Variants in CEP128 observed in about 807,000 individuals in gnomAD.
The protein encoded by CEP128 is centrosomal protein 128.
Under a neutral mutation model 156.7 loss-of-function variants are expected in CEP128, and 132 were observed. The ratio of observed to expected loss-of-function variants is 0.84; its 90% CI spans 0.73 to 0.97. The LOEUF is 0.97. CEP128 is among the 50% of genes least tolerant of loss of function. The pLI, the probability that CEP128 is intolerant of heterozygous loss-of-function variation, is 0.00. For synonymous variants in CEP128, 469 were observed against 448.9 expected (o/e 1.04, Z -0.57); for missense variants, 1,252 against 1,281.9 (o/e 0.98, Z 0.36).
intron 23 of CEP128, among the ~76,000 whole-genome samples, chr14:80,520,582 G>A (rs575456026): frequency 4.6e-5 from 7 of 152,046 alleles, no homozygotes; most frequent in Non-Finnish European, 1.0e-4. Flanking sequence ...TATATTCCTA[G>A]TGTGTCAATA....
At chr14:80,905,738 T>C (rs1373464441) in intron 5 of CEP128, 4 of 401,008 alleles carry the variant, frequency 1.0e-5, no homozygotes, top group Non-Finnish European at 1.8e-5. Flanking sequence ...AGCTCTAATG[T>C]GGTCTACAGA....
chr14:80,643,676 C>G (rs1375536819), intron 19 of CEP128, among the ~76,000 whole-genome samples: 1 of 151,306 alleles, frequency 6.6e-6, no homozygotes, highest in Non-Finnish European at 1.5e-5. Flanking sequence ...CGCCACTGCA[C>G]TCTAACCTGG....
intron 8 of CEP128, among the ~76,000 whole-genome samples, chr14:80,881,511 C>G (rs1222381382): frequency 6.6e-6 from 1 of 151,960 alleles, no homozygotes; most frequent in Admixed American, 6.6e-5. Context: ...CTAATACTTA[C>G]CCTATTCAAC....
chr14:80,666,062 G>A (rs1895600167), intron 19 of CEP128, among the ~76,000 whole-genome samples: 1 of 152,128 alleles, frequency 6.6e-6, no homozygotes, highest in South Asian at 2.1e-4. Context: ...AAAATCAGGA[G>A]AGGACAACCA....
At chr14:80,811,034 C>T (rs1039889417) in intron 13 of CEP128, among the ~76,000 whole-genome samples, 5 of 151,998 alleles carry the variant, frequency 3.3e-5, no homozygotes, top group African/African-American at 9.7e-5. Flanking sequence ...TGAGAATGTG[C>T]GGTGTTTGGT....
In CEP128 at chr14:80,819,239, C is replaced by CTTTTTT. The variant is rs1187431254; in HGVS notation, c.1209+11898_1209+11903dup. Among the ~76,000 whole-genome samples, 86 of 82,732 alleles carry CTTTTTT rather than the reference C, an allele frequency of 1.0e-3. 1 individual carries two copies. Among genetic ancestry groups the CTTTTTT allele is most frequent in the East Asian group, 1.3e-3 (3 of 2,302 alleles). The allele number at this position is 82,732 out of a possible 152,430, so 54.3% of individuals were successfully genotyped here. ...AGCAAGCCAGCTCTCTGGCATCTTC[C>CTTTTTT]TTTTTTTTTTTTTTTTTTTTTTTTT... On this transcript the variant is annotated intron_variant, in intron 13 of 24. Transcript: ENST00000555265.
intron 10 of CEP128, 89 bp from the exon 11 acceptor site, chr14:80,838,367 G>A: frequency 2.9e-5 from 26 of 897,862 alleles, no homozygotes; most frequent in South Asian, 9.3e-5. Flanking sequence ...GGAGAAAAGT[G>A]GAAAAGTTTT....
chr14:80,500,848 T>C (rs1220898119), intron 24 of CEP128, among the ~76,000 whole-genome samples: 1 of 152,248 alleles, frequency 6.6e-6, no homozygotes, highest in East Asian at 1.9e-4. Context: ...TTTACATTAT[T>C]ATGACTAAAT....
chr14:80,774,950 A>G (rs991075631), intron 16 of CEP128, among the ~76,000 whole-genome samples: 1 of 152,188 alleles, frequency 6.6e-6, no homozygotes, highest in Non-Finnish European at 1.5e-5. Context: ...GATTAGGTAA[A>G]TCATAGGCAC....
At chr14:80,566,775 C>G (rs1412199863) in intron 20 of CEP128, among the ~76,000 whole-genome samples, 4 of 151,848 alleles carry the variant, frequency 2.6e-5, no homozygotes, top group Admixed American at 2.6e-4. Flanking sequence ...AATTTCTGTT[C>G]ATTCATTTCA....
In CEP128 at chr14:80,939,444, C is replaced by T. The variant is rs1233777300; in HGVS notation, c.-75G>A. ...CTGAGCTCAACGCTCTTTTTAGGCA[C>T]ATATGTCTGCCTCCTATCATTTCTT... On this transcript the variant is annotated 5_prime_UTR_variant, in exon 2 of 25. It adds an upstream start codon to the 5' untranslated region. Coordinates refer to ENST00000555265, the MANE Select transcript of CEP128 (RefSeq NM_152446.5). The T allele has an allele frequency of 6.6e-6, 1 of 152,158 alleles. No individual in the cohort carries two copies. The highest frequency in any genetic ancestry group is 1.5e-5 in the Non-Finnish European group (1 of 68,030). The allele number at this position is 152,158 out of a possible 1,614,324, so 9.4% of individuals were successfully genotyped here.
chr14:80,787,945 C>T (rs1346601761), intron 14 of CEP128, among the ~76,000 whole-genome samples: 1 of 152,150 alleles, frequency 6.6e-6, no homozygotes, highest in Non-Finnish European at 1.5e-5. Flanking sequence ...TACTCTATAA[C>T]TCTCCATCTT....
At chr14:80,623,715 AC>A (rs1893590032) in intron 19 of CEP128, among the ~76,000 whole-genome samples, 1 of 152,042 alleles carries the variant, frequency 6.6e-6, no homozygotes, top group South Asian at 2.1e-4. Context: ...AAAGCTTGAT[AC>A]TCTAATTAGC....
At chr14:80,651,529 T>A (rs1190042696) in intron 19 of CEP128, among the ~76,000 whole-genome samples, 1 of 152,178 alleles carries the variant, frequency 6.6e-6, no homozygotes, top group Non-Finnish European at 1.5e-5. Flanking sequence ...TTTTAGATCT[T>A]TCCAGCTTTC....
intron 13 of CEP128, among the ~76,000 whole-genome samples, chr14:80,795,120 T>G (rs548516713): frequency 6.6e-6 from 1 of 152,046 alleles, no homozygotes; most frequent in Non-Finnish European, 1.5e-5. Context: ...CTGGATAGTC[T>G]GCTTCTAGAG....
At chr14:80,939,697 T>C (rs539648902) in intron 1 of CEP128, among the ~76,000 whole-genome samples, 157 bp from the exon 2 acceptor site, 46 of 152,356 alleles carry the variant, frequency 3.0e-4, no homozygotes, top group African/African-American at 1.1e-3. Flanking sequence ...GAGACCTCAC[T>C]ACAATTCTTC....
At chr14:80,880,517 GAAGTA>G (rs1394534944) in intron 8 of CEP128, among the ~76,000 whole-genome samples, 6 of 151,960 alleles carry the variant, frequency 3.9e-5, no homozygotes, top group African/African-American at 9.7e-5. Flanking sequence ...AATTTGAAAA[GAAGTA>G]AAGTTATCTC....
intron 21 of CEP128, among the ~76,000 whole-genome samples, chr14:80,555,973 T>C (rs1890418768): frequency 6.6e-6 from 1 of 152,154 alleles, no homozygotes; most frequent in Non-Finnish European, 1.5e-5. Flanking sequence ...GAGTACAAAT[T>C]CCTTGAAGGC....
chr14:80,617,408 T>G (rs1267981098), intron 19 of CEP128, among the ~76,000 whole-genome samples: 1 of 151,804 alleles, frequency 6.6e-6, no homozygotes, highest in Non-Finnish European at 1.5e-5. Context: ...TTTTTCTTTT[T>G]GCATTTTTAG....
Sources: allele counts gnomAD v4.1 joint callset (sites outside exome capture counted in the v4.1 genomes callset), GRCh38; gene constraint gnomAD v4.1.1; transcripts MANE v1.5; gene names NCBI Gene and HGNC (gene_info 2026-07-23, HGNC 2026-07-21).